Variants in NALCN observed in about 807,000 individuals in gnomAD.
The protein encoded by NALCN is sodium leak channel NALCN.
In NALCN, 111 loss-of-function variants were observed where a neutral mutation model predicts 225.3. The observed-to-expected ratio is 0.49, with a 90% confidence interval of 0.42 to 0.58. The LOEUF (loss-of-function observed/expected upper bound fraction) is 0.58. Among genes scored for constraint, NALCN ranks in the 20% least tolerant of loss-of-function variants. The pLI, the probability that NALCN is intolerant of heterozygous loss-of-function variation, is 0.00. For missense variants in NALCN, 1,378 were observed against 2,202.4 expected, an observed-to-expected ratio of 0.63 and a Z score of 7.49; for synonymous variants, 764 against 769.0, an observed-to-expected ratio of 0.99 and a Z score of 0.11.
chr13:101,329,314 T>C (rs1419815900), intron 7 of NALCN, among the ~76,000 whole-genome samples: 2 of 152,220 alleles, frequency 1.3e-5, no homozygotes. Flanking sequence ...CTGAAGTACT[T>C]ATATGGAAAG....
chr13:101,062,317 T>C (rs1488304018), intron 40 of NALCN, among the ~76,000 whole-genome samples, 199 bp from the exon 41 acceptor site: 1 of 152,184 alleles, frequency 6.6e-6, no homozygotes. Flanking sequence ...ACAAAGATGA[T>C]AGATAGTCCT....
intron 6 of NALCN, among the ~76,000 whole-genome samples, chr13:101,375,109 C>CT (rs1050319568): frequency 6.6e-6 from 1 of 151,798 alleles, no homozygotes; most frequent in Non-Finnish European, 1.5e-5. Flanking sequence ...TTGCTCTTTC[C>CT]TTTTTTTTAA....
chr13:101,189,539 T>C (rs1424830457), intron 14 of NALCN, among the ~76,000 whole-genome samples: 3 of 152,202 alleles, frequency 2.0e-5, no homozygotes, highest in Non-Finnish European at 4.4e-5. Context: ...CACTTTCCGA[T>C]ACAAACAACA....
At chr13:101,326,598 CT>C (rs1447558526) in intron 7 of NALCN, among the ~76,000 whole-genome samples, 4 of 152,176 alleles carry the variant, frequency 2.6e-5, no homozygotes, top group Non-Finnish European at 5.9e-5. Context: ...ATCTAAATCC[CT>C]GACTTGCCAT....
intron 18 of NALCN, among the ~76,000 whole-genome samples, chr13:101,120,192 T>C (rs967262071): frequency 6.6e-6 from 1 of 152,146 alleles, no homozygotes; most frequent in South Asian, 2.1e-4. Context: ...CTGTTTCAAA[T>C]GGAAGATGGA....
chr13:101,260,190 T>C (rs1176557155), intron 10 of NALCN, among the ~76,000 whole-genome samples: 1 of 152,244 alleles, frequency 6.6e-6, no homozygotes, highest in Non-Finnish European at 1.5e-5. Context: ...TCCATGTTGT[T>C]ACAAATGACT....
chr13:101,203,056 G>A (rs893983044), intron 13 of NALCN, among the ~76,000 whole-genome samples: 5 of 152,124 alleles, frequency 3.3e-5, no homozygotes, highest in South Asian at 2.1e-4. Flanking sequence ...ATTGTCACTC[G>A]AAGATTGTTT....
intron 30 of NALCN, among the ~76,000 whole-genome samples, chr13:101,086,405 TTG>T (rs1167757034): frequency 1.3e-5 from 2 of 152,162 alleles, no homozygotes; most frequent in East Asian, 1.9e-4. Context: ...TGTAAATATT[TTG>T]TGATTTTCTA....
chr13:101,411,088 G>T (rs575626409), intron 1 of NALCN, among the ~76,000 whole-genome samples: 33 of 152,076 alleles, frequency 2.2e-4, no homozygotes, highest in Non-Finnish European at 4.3e-4. Flanking sequence ...TATACCTGTA[G>T]ATCAATATTC....
chr13:101,229,395 T>A lies in NALCN; in HGVS notation c.1624A>T (p.Arg542Trp), dbSNP rs2041262589. The A allele has an allele frequency of 6.5e-7, 1 of 1,548,176 alleles. No individual in the cohort carries two copies. The highest frequency in any genetic ancestry group is 1.4e-5 in the African/African-American group (1 of 72,110). ...TACTGCATTTTTAAAACTCTTACCC[T>A]CGGAAACGTAGTAAATCTGTCCAGT... is the stretch of plus-strand genomic sequence containing the variant. ...EELDRFTTFP[R>W]AFMSMFQILT... The change falls in exon 13 of 44, where the codon AGG (arginine) becomes TGG (tryptophan). Residue 542 changes from arginine to tryptophan, a missense_variant and splice_region_variant. This residue lies in a region of NALCN where 18 missense variants were observed against 18.0 expected (regional missense o/e 1.00). Coordinates refer to ENST00000251127, the MANE Select transcript of NALCN (RefSeq NM_052867.4).
chr13:101,108,281 A>G (rs1218090829), intron 20 of NALCN, among the ~76,000 whole-genome samples: 1 of 152,092 alleles, frequency 6.6e-6, no homozygotes, highest in Non-Finnish European at 1.5e-5. Flanking sequence ...CTAAAAAGTA[A>G]TTCATTCAGC....
intron 19 of NALCN, among the ~76,000 whole-genome samples, 184 bp downstream of exon 19, chr13:101,110,941 T>G (rs1028531754): frequency 6.6e-6 from 1 of 152,168 alleles, no homozygotes; most frequent in Non-Finnish European, 1.5e-5. Context: ...GAAGTAGAGA[T>G]TTTTTTGAAT....
Position 101,378,596 on chromosome 13 carries a change from A to T in NALCN, c.349T>A (p.Cys117Ser). 6.2e-7 allele frequency: 1 copy of T among 1,609,666 alleles called. No individual in the cohort carries two copies. The highest frequency in any genetic ancestry group is 1.1e-5 in the South Asian group (1 of 90,142). Residue 117 changes from cysteine to serine, a missense_variant, in exon 4 of 44, where the codon TGC becomes AGC. This residue lies in a region of NALCN where 146 missense variants were observed against 205.9 expected (regional missense o/e 0.71). Coordinates refer to ENST00000251127, the MANE Select transcript of NALCN (RefSeq NM_052867.4). ...TGTAGCACCAAAGAAACCCAAAGGC[A>T]AAAGACCATAAATCCATCAAAAACA... ...WCVFDGFMVF[C>S]LWVSLVLQVF...
intron 11 of NALCN, 151 bp from the exon 12 acceptor site, chr13:101,238,073 C>G (rs963657567): frequency 1.7e-6 from 1 of 599,160 alleles, no homozygotes; most frequent in Non-Finnish European, 2.8e-6. Flanking sequence ...TTTAAGAATG[C>G]ATTTGAAACA....
At chr13:101,216,049 G>A (rs1023790821) in intron 13 of NALCN, among the ~76,000 whole-genome samples, 7 of 152,042 alleles carry the variant, frequency 4.6e-5, no homozygotes, top group African/African-American at 1.4e-4. Flanking sequence ...ACACTCGTGC[G>A]GAGATATCAT....
chr13:101,100,963 A>G, intron 26 of NALCN, 75 bp from the exon 27 acceptor site: 1 of 1,143,862 alleles, frequency 8.7e-7, no homozygotes, highest in Non-Finnish European at 1.2e-6. Flanking sequence ...AGTGACATAA[A>G]TAGGACTTCT....
intron 11 of NALCN, among the ~76,000 whole-genome samples, chr13:101,246,882 ACTTTTC>A (rs1361653080): frequency 2.0e-5 from 3 of 152,132 alleles, no homozygotes; most frequent in African/African-American, 7.2e-5. Context: ...TGCAGAAATC[ACTTTTC>A]TAGAAAAGAG....
chr13:101,258,083 A>T (rs2042298143), intron 11 of NALCN, among the ~76,000 whole-genome samples: 1 of 152,132 alleles, frequency 6.6e-6, no homozygotes, highest in Non-Finnish European at 1.5e-5. Context: ...CAGCTTATTT[A>T]TGATCTTCTG....
chr13:101,410,266 G>T (rs1295529041), intron 1 of NALCN, among the ~76,000 whole-genome samples: 3 of 152,106 alleles, frequency 2.0e-5, no homozygotes, highest in Non-Finnish European at 4.4e-5. Context: ...ACATCTTCAG[G>T]TGATCCCTGC....
Sources: gnomAD v4.1 joint callset for allele counts (sites outside exome capture counted in the v4.1 genomes callset) on GRCh38, gnomAD v4.1.1 for gene constraint, gnomAD v4.1.1 regional missense constraint, MANE v1.5 for transcripts, NCBI Gene and HGNC (gene_info 2026-07-23, HGNC 2026-07-21) for gene names.